The following CPPED1 variants were observed in gnomAD, a reference collection of about 807,000 sequenced individuals.
The protein encoded by CPPED1 is calcineurin like phosphoesterase domain containing 1.
CPPED1 carries 28 observed loss-of-function variants against 28.0 expected under a neutral mutation model. The observed-to-expected ratio is 1.00, with a 90% CI of 0.74 to 1.37. The LOEUF (loss-of-function observed/expected upper bound fraction) is 1.37, where lower values mean the gene tolerates loss of function less well. Ranked by LOEUF, CPPED1 falls within the 40% of genes most tolerant of loss-of-function variation. The pLI is 0.00. For synonymous variants in CPPED1, 198 were observed against 180.2 expected, an observed-to-expected ratio of 1.10 and a Z score of -0.79; for missense variants, 504 against 416.5, an observed-to-expected ratio of 1.21 and a Z score of -1.83.
intron 3 of CPPED1, among the ~76,000 whole-genome samples, chr16:12,702,646 T>C (rs533889931): frequency 3.3e-5 from 5 of 152,254 alleles, no homozygotes; most frequent in Admixed American, 1.3e-4. Context: ...CACTCAGGAA[T>C]GTGGTCAACA....
chr16:12,764,648 T>C (rs1163243993), intron 2 of CPPED1, among the ~76,000 whole-genome samples: 1 of 152,234 alleles, frequency 6.6e-6, no homozygotes, highest in Non-Finnish European at 1.5e-5. Flanking sequence ...CTGATTTGAA[T>C]TTTTAATAAA....
chr16:12,739,023 AG>A (rs2080240816), intron 2 of CPPED1, among the ~76,000 whole-genome samples: 1 of 152,086 alleles, frequency 6.6e-6, no homozygotes. Flanking sequence ...TGGGTTTGGG[AG>A]GGAGGCGGCT....
chr16:12,697,987 G>C (rs1478465962), intron 3 of CPPED1, among the ~76,000 whole-genome samples: 1 of 152,066 alleles, frequency 6.6e-6, no homozygotes, highest in Non-Finnish European at 1.5e-5. Flanking sequence ...GCGTGTGCCT[G>C]TAATCCCAGC....
chr16:12,661,044 G>C lies in CPPED1; in HGVS notation c.*3842C>G, dbSNP rs527713531. 7.9e-5 allele frequency: 12 copies of C among 152,364 alleles called. No homozygotes were observed. Among genetic ancestry groups the C allele is most frequent in the African/African-American group, 2.6e-4 (11 of 41,594 alleles). The allele number at this position is 152,364 out of a possible 1,614,324, so 9.4% of individuals were successfully genotyped here. On this transcript the variant is annotated 3_prime_UTR_variant, in exon 4 of 4. Transcript: ENST00000381774. ...GTGGGAAGGTTGGTTGAGCCCAAGA[G>C]TTCAAGGCTGCAGTGAGCTGTGATC...
chr16:12,674,069 T>C (rs2079866093), intron 3 of CPPED1, among the ~76,000 whole-genome samples: 1 of 151,900 alleles, frequency 6.6e-6, no homozygotes, highest in African/African-American at 2.4e-5. Context: ...TAATAAAAAA[T>C]AACGATGAGA....
intron 2 of CPPED1, among the ~76,000 whole-genome samples, chr16:12,762,319 T>C (rs1011738398): frequency 5.9e-5 from 9 of 152,198 alleles, no homozygotes; most frequent in Admixed American, 3.9e-4. Context: ...TATTTAGTAA[T>C]GGAGGTAAAA....
intron 2 of CPPED1, among the ~76,000 whole-genome samples, chr16:12,775,824 C>T (rs1213601721): frequency 6.6e-6 from 1 of 152,138 alleles, no homozygotes; most frequent in Non-Finnish European, 1.5e-5. Flanking sequence ...CCAGTTTCCC[C>T]ATCAATTAAA....
Position 12,725,050 on chromosome 16 carries a change from T to C in CPPED1, c.290-20001A>G, listed in dbSNP as rs555211151. 3.3e-5 allele frequency among the ~76,000 whole-genome samples: 5 copies of C among 152,048 alleles called. No homozygotes were observed. The South Asian group carries it at 8.3e-4, about 25-fold the overall frequency. ...ATCCACCTGCCTTGGCCTCCCAAAG[T>C]GCTGGGATTACAGGTGTGACTTACT... On this transcript the variant is annotated intron_variant, in intron 2 of 3. Transcript: ENST00000381774.
At chr16:12,781,540 T>C (rs1010481266) in intron 1 of CPPED1, 137 bp from the exon 2 acceptor site, 1 of 755,632 alleles carries the variant, frequency 1.3e-6, no homozygotes. Context: ...GGTTCAAACA[T>C]ACCATTTTCC....
chr16:12,759,154 C>G (rs1396227598), intron 2 of CPPED1: 1 of 121,840 alleles, frequency 8.2e-6, no homozygotes, highest in Non-Finnish European at 1.6e-5. Context: ...CAGACGAAGA[C>G]TCTGTCTCTA....
intron 3 of CPPED1, among the ~76,000 whole-genome samples, chr16:12,676,767 T>C (rs1275062732): frequency 6.6e-6 from 1 of 151,970 alleles, no homozygotes; most frequent in Non-Finnish European, 1.5e-5. Context: ...ATAATAATAA[T>C]GATGATAATA....
intron 2 of CPPED1, among the ~76,000 whole-genome samples, chr16:12,747,518 C>A (rs534441997): frequency 1.3e-5 from 2 of 152,132 alleles, no homozygotes; most frequent in African/African-American, 4.8e-5. Flanking sequence ...GCACATCATA[C>A]TGAAAAATCA....
chr16:12,701,931 CCT>C (rs1023685611), intron 3 of CPPED1, among the ~76,000 whole-genome samples: 10 of 152,292 alleles, frequency 6.6e-5, no homozygotes, highest in African/African-American at 2.4e-4. Context: ...AGCTAACCCC[CCT>C]GTTTTCTCAT....
intron 2 of CPPED1, among the ~76,000 whole-genome samples, chr16:12,764,769 T>TTTTATTTGTACCTCTTGATGCCTCA (rs2080429796): frequency 1.3e-5 from 2 of 152,228 alleles, no homozygotes; most frequent in Admixed American, 6.5e-5. Flanking sequence ...CACCATTTTG[T>TTTTATTTGTACCTCTTGATGCCTCA]TTTATTTGTA....
intron 1 of CPPED1, among the ~76,000 whole-genome samples, chr16:12,794,436 G>A (rs564270771): frequency 6.6e-6 from 1 of 150,616 alleles, no homozygotes; most frequent in Non-Finnish European, 1.5e-5. Context: ...AAAAAATAGT[G>A]TCCTTCAGGA....
chr16:12,792,848 G>A (rs947142513), intron 1 of CPPED1, among the ~76,000 whole-genome samples: 2 of 152,156 alleles, frequency 1.3e-5, no homozygotes, highest in African/African-American at 4.8e-5. Context: ...GCCATGTGAA[G>A]TGTCAGTCCA....
intron 3 of CPPED1, among the ~76,000 whole-genome samples, chr16:12,696,802 G>A (rs1299368243): frequency 6.6e-6 from 1 of 152,020 alleles, no homozygotes; most frequent in Non-Finnish European, 1.5e-5. Context: ...ACTTGACAAG[G>A]TTGGGGTGAG....
intron 2 of CPPED1, among the ~76,000 whole-genome samples, chr16:12,744,660 G>T (rs1175774618): frequency 6.6e-6 from 1 of 152,078 alleles, no homozygotes; most frequent in Non-Finnish European, 1.5e-5. Context: ...ATAGAGCTGG[G>T]AGTGCAGGCA....
At chr16:12,772,354 T>C (rs945859386) in intron 2 of CPPED1, among the ~76,000 whole-genome samples, 2 of 152,178 alleles carry the variant, frequency 1.3e-5, no homozygotes, top group East Asian at 1.9e-4. Context: ...TACTTCCCCA[T>C]AGCATCTCCC....
Sources: gnomAD v4.1 joint callset for allele counts (sites outside exome capture counted in the v4.1 genomes callset) on GRCh38, gnomAD v4.1.1 for gene constraint, MANE v1.5 for transcripts, NCBI Gene and HGNC (gene_info 2026-07-23, HGNC 2026-07-21) for gene names.